Variants in TRPM3 observed in about 807,000 individuals in gnomAD.
TRPM3 encodes the protein transient receptor potential cation channel subfamily M member 3.
A neutral mutation model predicts 181.2 loss-of-function variants in TRPM3; 77 were observed. That is an observed-to-expected ratio of 0.42 (90% confidence interval 0.35 to 0.51). The LOEUF is 0.51. Ranked by LOEUF, TRPM3 falls within the 20% of genes least tolerant of loss-of-function variation. The probability of loss-of-function intolerance (pLI) is 0.01; values close to 1 mark genes in which losing one functional copy is unlikely to be tolerated. For missense variants in TRPM3, 1,759 were observed against 2,196.7 expected, an observed-to-expected ratio of 0.80 and a Z score of 3.98; for synonymous variants, 745 against 796.4, an observed-to-expected ratio of 0.94 and a Z score of 1.09.
At chr9:70,749,458 C>T (rs1452577995) in intron 8 of TRPM3, among the ~76,000 whole-genome samples, 3 of 152,036 alleles carry the variant, frequency 2.0e-5, no homozygotes, top group African/African-American at 7.2e-5. Context: ...TTTTTACATT[C>T]AGGCCATGAG....
At chr9:70,912,418 C>T (rs1206595605) in intron 1 of TRPM3, among the ~76,000 whole-genome samples, 1 of 152,126 alleles carries the variant, frequency 6.6e-6, no homozygotes, top group Non-Finnish European at 1.5e-5. Context: ...GAAGTAAAAA[C>T]AACTCTCCTA....
intron 22 of TRPM3, among the ~76,000 whole-genome samples, chr9:70,568,382 C>A (rs542415292): frequency 4.2e-4 from 64 of 152,290 alleles, no homozygotes; most frequent in African/African-American, 1.5e-3. Flanking sequence ...TATACAATAT[C>A]TGATTGTTAC....
At chr9:70,983,144 A>T (rs2097380665) in intron 1 of TRPM3, among the ~76,000 whole-genome samples, 1 of 152,130 alleles carries the variant, frequency 6.6e-6, no homozygotes, top group Admixed American at 6.5e-5. Context: ...CCACCACATT[A>T]GACACTGTAA....
intron 1 of TRPM3, among the ~76,000 whole-genome samples, chr9:71,413,533 T>C (rs1467476613): frequency 1.3e-5 from 2 of 152,122 alleles, no homozygotes; most frequent in Non-Finnish European, 2.9e-5. Flanking sequence ...TTTCTTTATA[T>C]TTGTTCAATG....
chr9:71,013,079 G>A (rs1222617965), intron 1 of TRPM3, among the ~76,000 whole-genome samples: 5 of 151,986 alleles, frequency 3.3e-5, no homozygotes, highest in Non-Finnish European at 2.9e-5. Flanking sequence ...TATACACACA[G>A]GTCTATACAT....
chr9:70,908,094 C>A (rs147956865), intron 1 of TRPM3, among the ~76,000 whole-genome samples: 2 of 151,994 alleles, frequency 1.3e-5, no homozygotes, highest in Admixed American at 6.6e-5. Flanking sequence ...AAGCTCAATG[C>A]CAATGAATCA....
Position 70,903,506 on chromosome 9 carries a change from GT to G in TRPM3, c.178-38996del, listed in dbSNP as rs151085931. Among the ~76,000 whole-genome samples the G allele has an allele frequency of 4.5e-4, 66 of 148,224 alleles. 1 individual carries two copies. The highest frequency in any genetic ancestry group is 1.3e-3 in the African/African-American group (51 of 40,476). ...GCACTCCATTCAAAGTGTTTTTGGG[GT>G]TTTTTTTTTAATCCTGTAAAAAGAA... On this transcript the variant is annotated intron_variant, in intron 1 of 25. Transcript: ENST00000677713.
chr9:70,535,594 AAC>A lies in TRPM3; in HGVS notation c.*357_*358del, dbSNP rs1237205670. On this transcript the variant is annotated 3_prime_UTR_variant, in exon 26 of 26. Transcript: ENST00000677713. ...CAACTCTTGATAATGGTCAGAAATC[AAC>A]AGATGCCTCCTGGCATGGAGCGTGC... 1 of 1,499,156 alleles carries A rather than the reference AAC, an allele frequency of 6.7e-7. No individual in the cohort carries two copies. Among genetic ancestry groups the A allele is most frequent in the African/African-American group, 1.4e-5 (1 of 71,856 alleles). The allele number at this position is 1,499,156 out of a possible 1,614,324, so 92.9% of individuals were successfully genotyped here.
chr9:71,188,239 T>C (rs1480486563), intron 1 of TRPM3, among the ~76,000 whole-genome samples: 1 of 151,902 alleles, frequency 6.6e-6, no homozygotes, highest in Non-Finnish European at 1.5e-5. Context: ...CTGGCAGTGC[T>C]GTGTTAGAGT....
intron 7 of TRPM3, chr9:70,775,809 C>A (rs1554698768): frequency 6.7e-6 from 1 of 150,158 alleles, no homozygotes; most frequent in Non-Finnish European, 1.5e-5. Context: ...GTAGTTTTTT[C>A]CTCTTATTTT....
chr9:70,616,778 G>GTATT (rs1448505257), intron 17 of TRPM3, among the ~76,000 whole-genome samples: 1 of 152,124 alleles, frequency 6.6e-6, no homozygotes, highest in African/African-American at 2.4e-5. Context: ...AGCCAGCGCT[G>GTATT]TATTTCTCTC....
intron 1 of TRPM3, among the ~76,000 whole-genome samples, chr9:71,134,053 A>G (rs1158267185): frequency 2.0e-5 from 3 of 150,632 alleles, no homozygotes; most frequent in Admixed American, 6.6e-5. Context: ...TTGCATCTCA[A>G]TCTCTCTCTC....
At chr9:70,846,161 T>C (rs1386705446) in intron 4 of TRPM3, among the ~76,000 whole-genome samples, 1 of 152,222 alleles carries the variant, frequency 6.6e-6, no homozygotes, top group African/African-American at 2.4e-5. Context: ...CTATTAAATA[T>C]CCCAACCCAT....
At chr9:70,608,698 G>C (rs1220982607) in intron 19 of TRPM3, among the ~76,000 whole-genome samples, 3 of 152,054 alleles carry the variant, frequency 2.0e-5, no homozygotes, top group Non-Finnish European at 4.4e-5. Context: ...TAATTAGCCA[G>C]GTGTGGTGGT....
intron 1 of TRPM3, among the ~76,000 whole-genome samples, chr9:70,884,332 G>A (rs529726443): frequency 1.3e-5 from 2 of 152,198 alleles, no homozygotes; most frequent in South Asian, 4.1e-4. Flanking sequence ...CCTAACTCCT[G>A]CTCAGAGAAC....
chr9:70,537,242 T>G lies in TRPM3; in HGVS notation c.3871A>C (p.Asn1291His). Reference sequence around the variant, plus strand: ...GACGAGGTCCTCGAGCGGATTTTGTTGGACTCGGCCCGCTCCAGACCTGTC... The same window carrying G: ...GACGAGGTCCTCGAGCGGATTTTGTGGGACTCGGCCCGCTCCAGACCTGTC... The part of the protein sequence containing the change: ...RLTGLERAES[N>H]KIRSRTSSDC... Residue 1291 changes from asparagine to histidine, a missense_variant, in exon 26 of 26, where the codon AAC (asparagine) becomes CAC (histidine). Coordinates refer to ENST00000677713, the MANE Select transcript of TRPM3 (RefSeq NM_001366145.2). 1.3e-6 allele frequency: 2 copies of G among 1,597,750 alleles called. No homozygotes were observed. The highest frequency in any genetic ancestry group is 2.2e-5 in the South Asian group (2 of 90,054).
chr9:71,325,504 G>C lies in TRPM3; in HGVS notation c.183+121149C>G, dbSNP rs186221728. Among the ~76,000 whole-genome samples, 139 of 152,210 alleles carry C rather than the reference G, an allele frequency of 9.1e-4. 2 individuals are homozygous for C. The highest frequency in any genetic ancestry group is 3.8e-4 in the Non-Finnish European group (26 of 68,014). On this transcript the variant is annotated intron_variant, in intron 1 of 24. Coordinates refer to the TRPM3 transcript ENST00000357533. ...TCAGAAAAGCCAAGTGTCAACTCTA[G>C]AGTTACAGAGATTATAAATGATAAA...
intron 1 of TRPM3, among the ~76,000 whole-genome samples, chr9:71,314,271 A>AT (rs898352265): frequency 2.6e-5 from 4 of 152,068 alleles, no homozygotes; most frequent in Non-Finnish European, 5.9e-5. Flanking sequence ...TTATCATATG[A>AT]TTTTTTTATC....
chr9:70,637,768 G>A (rs1239848970), intron 11 of TRPM3, among the ~76,000 whole-genome samples: 36 of 152,112 alleles, frequency 2.4e-4, no homozygotes, highest in Admixed American at 2.4e-3. Flanking sequence ...GAAAAATGAG[G>A]GGTAGAATAA....
Sources: allele counts gnomAD v4.1 joint callset (sites outside exome capture counted in the v4.1 genomes callset), GRCh38; gene constraint gnomAD v4.1.1; transcripts MANE v1.5; gene names NCBI Gene and HGNC (gene_info 2026-07-23, HGNC 2026-07-21).